The following FAM13C variants were observed in gnomAD, a reference collection of about 807,000 sequenced individuals.
The protein encoded by FAM13C is protein FAM13C.
A neutral mutation model predicts 73.2 loss-of-function variants in FAM13C; 37 were observed. The ratio of observed to expected loss-of-function variants is 0.51; its 90% CI spans 0.39 to 0.67. The LOEUF (loss-of-function observed/expected upper bound fraction) is 0.67. Among genes scored for constraint, FAM13C ranks in the 30% least tolerant of loss-of-function variants. The pLI is 0.00. For synonymous variants in FAM13C, 246 were observed against 260.9 expected, an observed-to-expected ratio of 0.94 and a Z score of 0.55; for missense variants, 589 against 715.6, an observed-to-expected ratio of 0.82 and a Z score of 2.02.
intron 3 of FAM13C, among the ~76,000 whole-genome samples, chr10:59,341,426 G>T (rs558673639): frequency 6.6e-6 from 1 of 152,130 alleles, no homozygotes; most frequent in Non-Finnish European, 1.5e-5. Context: ...AGTGGCTCAC[G>T]CCTGTAATCC....
intron 4 of FAM13C, among the ~76,000 whole-genome samples, chr10:59,315,287 T>C (rs1298002207): frequency 6.6e-6 from 1 of 152,194 alleles, no homozygotes; most frequent in African/African-American, 2.4e-5. Context: ...GTCTTGCTAG[T>C]ATATGTTTCT....
intron 4 of FAM13C, among the ~76,000 whole-genome samples, chr10:59,319,025 G>A (rs1849868012): frequency 6.6e-6 from 1 of 150,408 alleles, no homozygotes; most frequent in African/African-American, 2.4e-5. Context: ...TTAAGACTCT[G>A]CTTACGTCTA....
intron 8 of FAM13C, among the ~76,000 whole-genome samples, chr10:59,265,617 A>T (rs1170950126): frequency 4.6e-5 from 7 of 152,160 alleles, no homozygotes. Flanking sequence ...AAATATGGTA[A>T]AAACAAACAC....
At chr10:59,306,095 A>T (rs996264805) in intron 4 of FAM13C, among the ~76,000 whole-genome samples, 2 of 152,192 alleles carry the variant, frequency 1.3e-5, no homozygotes, top group African/African-American at 4.8e-5. Flanking sequence ...GTATTCTCTA[A>T]TAGAAAAAAT....
chr10:59,252,266 G>T (rs979276687), intron 12 of FAM13C, among the ~76,000 whole-genome samples: 1 of 152,106 alleles, frequency 6.6e-6, no homozygotes, highest in African/African-American at 2.4e-5. Flanking sequence ...TGGTTTCAGA[G>T]ATTCTGTGAA....
At chr10:59,251,515 A>G in intron 13 of FAM13C, 60 bp downstream of exon 13, 1 of 1,481,822 alleles carries the variant, frequency 6.7e-7, no homozygotes, top group Non-Finnish European at 9.4e-7. Context: ...ATTGCAGCTC[A>G]TTTTTAACAG....
intron 13 of FAM13C, among the ~76,000 whole-genome samples, chr10:59,248,334 T>C (rs1564468797): frequency 6.6e-6 from 1 of 152,176 alleles, no homozygotes; most frequent in African/African-American, 2.4e-5. Flanking sequence ...GAGTCTAAAT[T>C]GTGGTGGTTC....
At chr10:59,317,299 C>T (rs984273388) in intron 4 of FAM13C, among the ~76,000 whole-genome samples, 1 of 152,136 alleles carries the variant, frequency 6.6e-6, no homozygotes, top group African/African-American at 2.4e-5. Flanking sequence ...ACACTGAACA[C>T]TTAACCAGCT....
At chr10:59,362,555 C>T (rs1333675222), upstream of FAM13C, 2 of 1,555,362 alleles carry the variant, frequency 1.3e-6, no homozygotes, top group South Asian at 1.2e-5. Flanking sequence ...TCTCCGGGCT[C>T]GCCCGGCACG....
intron 5 of FAM13C, chr10:59,296,863 A>G (rs1248153152): frequency 6.6e-6 from 1 of 152,222 alleles, no homozygotes; most frequent in Non-Finnish European, 1.5e-5. Context: ...TGATAAAGTC[A>G]ATACTAAATT....
chr10:59,268,828 G>T, intron 7 of FAM13C, 137 bp from the exon 8 acceptor site: 1 of 993,678 alleles, frequency 1.0e-6, no homozygotes, highest in Non-Finnish European at 1.4e-6. Flanking sequence ...GGCCACCATG[G>T]TAGCATCTGC....
intron 3 of FAM13C, among the ~76,000 whole-genome samples, chr10:59,339,631 A>G (rs1853226907): frequency 6.6e-6 from 1 of 152,154 alleles, no homozygotes; most frequent in Non-Finnish European, 1.5e-5. Context: ...GGGAAAACAA[A>G]GGCTCCCTTA....
chr10:59,306,711 A>G (rs1848303618), intron 4 of FAM13C, among the ~76,000 whole-genome samples: 2 of 152,206 alleles, frequency 1.3e-5, no homozygotes, highest in Non-Finnish European at 2.9e-5. Context: ...CCCCATCTCT[A>G]CTAAAATACA....
At chr10:59,274,735 C>G (rs528504395) in intron 6 of FAM13C, among the ~76,000 whole-genome samples, 1 of 152,292 alleles carries the variant, frequency 6.6e-6, no homozygotes, top group South Asian at 2.1e-4. Context: ...TGAATTTGAG[C>G]AATAACCAAG....
At chr10:59,254,516 A>G (rs548710793) in intron 10 of FAM13C, 73 bp from the exon 11 acceptor site, 12 of 750,234 alleles carry the variant, frequency 1.6e-5, no homozygotes, top group African/African-American at 5.4e-5. Context: ...TAGCAGACAA[A>G]AAGCCTCAAA....
intron 4 of FAM13C, among the ~76,000 whole-genome samples, chr10:59,316,182 G>A (rs1012146899): frequency 3.3e-5 from 5 of 152,036 alleles, no homozygotes; most frequent in Admixed American, 6.6e-5. Context: ...TGATCTGCCC[G>A]CCTCAGGCTC....
chr10:59,270,401 T>C (rs144605674), intron 6 of FAM13C: 100 of 334,126 alleles, frequency 3.0e-4, no homozygotes, highest in African/African-American at 1.9e-3. Context: ...TTCACATTAT[T>C]TGCATAAGTC....
intron 3 of FAM13C, among the ~76,000 whole-genome samples, chr10:59,331,146 A>C (rs1851915386): frequency 6.6e-6 from 1 of 152,104 alleles, no homozygotes; most frequent in Non-Finnish European, 1.5e-5. Flanking sequence ...GTGGTGGGGG[A>C]TGGAAGAGGT....
Position 59,267,351 on chromosome 10 carries a change from C to T in FAM13C, c.942+1202G>A, listed in dbSNP as rs79964606. ...ATCTGTAATCCACTGACCCAAGTTG[C>T]GACCTGATAGAACACAACTATCTTA... On this transcript the variant is annotated intron_variant, in intron 8 of 13. Coordinates refer to ENST00000618804, the MANE Select transcript of FAM13C (RefSeq NM_198215.4). Among the ~76,000 whole-genome samples the T allele has an allele frequency of 9.4e-3, 1,433 of 152,298 alleles. 5 individuals carry two copies. Among genetic ancestry groups the T allele is most frequent in the Admixed American group, 0.021 (317 of 15,294 alleles).
Sources: allele counts gnomAD v4.1 joint callset (sites outside exome capture counted in the v4.1 genomes callset), GRCh38; gene constraint gnomAD v4.1.1; transcripts MANE v1.5; gene names NCBI Gene and HGNC (gene_info 2026-07-23, HGNC 2026-07-21).